The following ATP2B2 variants were observed in gnomAD, a reference collection of about 807,000 sequenced individuals.
The protein encoded by ATP2B2 is ATPase plasma membrane Ca2+ transporting 2, also known as plasma membrane calcium-transporting ATPase 2.
In ATP2B2, 15 loss-of-function variants were observed where a neutral mutation model predicts 120.0. The observed-to-expected ratio is 0.12, with a 90% CI of 0.08 to 0.19. ATP2B2 has a LOEUF of 0.19. Among genes scored for constraint, ATP2B2 ranks in the 10% least tolerant of loss-of-function variants. The pLI is 1.00. For missense variants in ATP2B2, 1,045 were observed against 1,719.8 expected, an observed-to-expected ratio of 0.61 and a Z score of 6.94; for synonymous variants, 694 against 700.3, an observed-to-expected ratio of 0.99 and a Z score of 0.14.
At position 10,402,475 on chromosome 3, in the gene ATP2B2, C is replaced by A; in HGVS notation, c.398-127G>T. The A allele has an allele frequency of 7.2e-7, 1 of 1,387,578 alleles. No homozygotes were observed. The highest frequency in any genetic ancestry group is 1.0e-6 in the Non-Finnish European group (1 of 995,284). The allele number at this position is 1,387,578 out of a possible 1,614,324, so 86.0% of individuals were successfully genotyped here. A position where few individuals can be genotyped will look rare whatever the true frequency, so the allele number is the denominator to read the frequency against. On this transcript the variant is annotated intron_variant, in intron 3 of 22. Coordinates refer to ENST00000360273, the MANE Select transcript of ATP2B2 (RefSeq NM_001001331.4). This position sits in a 1 kb window ranked among gnomAD's most constrained non-coding sequence, Gnocchi z 4.9. ...GAATCAGATGATAATTATCCACTTACTCAGTGTGTCTGGGTACCAAGCCCT... is the reference window on the plus strand; with the variant it reads ...GAATCAGATGATAATTATCCACTTAATCAGTGTGTCTGGGTACCAAGCCCT...
upstream of ATP2B2, among the ~76,000 whole-genome samples, chr3:10,509,909 T>G (rs1300752109): frequency 3.3e-5 from 5 of 152,128 alleles, no homozygotes; most frequent in Non-Finnish European, 7.4e-5. Flanking sequence ...GAGTCCCAGG[T>G]TTTTTTCATC....
At chr3:10,372,546 C>T (rs1405207564) in intron 11 of ATP2B2, among the ~76,000 whole-genome samples, 1 of 152,068 alleles carries the variant, frequency 6.6e-6, no homozygotes, top group Non-Finnish European at 1.5e-5. Context: ...GGAAAAATAT[C>T]AAAGTATTAA....
At chr3:10,415,735 A>G (rs978114434) in intron 2 of ATP2B2, among the ~76,000 whole-genome samples, 1 of 152,246 alleles carries the variant, frequency 6.6e-6, no homozygotes, top group African/African-American at 2.4e-5. Context: ...ATTAGAGAGC[A>G]TCTCACCATT....
chr3:10,406,358 G>A (rs2062410992), intron 3 of ATP2B2, among the ~76,000 whole-genome samples: 2 of 152,210 alleles, frequency 1.3e-5, no homozygotes, highest in Admixed American at 1.3e-4. Context: ...GGCTGGACAA[G>A]GTCCCTGTGG....
intron 2 of ATP2B2, among the ~76,000 whole-genome samples, chr3:10,542,459 C>T (rs9870371): frequency 0.041 from 6,230 of 152,196 alleles, 331 homozygotes; most frequent in African/African-American, 0.12. Context: ...CCTGATGTCC[C>T]AAGAATTCTT....
chr3:10,541,004 T>C lies in ATP2B2; in HGVS notation c.-414-6871A>G, dbSNP rs565322390. On this transcript the variant is annotated intron_variant, in intron 2 of 21. Coordinates refer to the ATP2B2 transcript ENST00000646379. ...GGTGAATTGTGGTAGTTCGTGTTTT[T>C]TGAGGAATTGGTCCATTTCTACTAG... Among the ~76,000 whole-genome samples the C allele has an allele frequency of 3.3e-5, 5 of 152,304 alleles. No homozygotes were observed. In the South Asian group the frequency reaches 1.0e-3, roughly 32 times the overall value.
At chr3:10,670,563 G>A (rs1229340405) in intron 1 of ATP2B2, among the ~76,000 whole-genome samples, 11 of 151,880 alleles carry the variant, frequency 7.2e-5, no homozygotes, top group East Asian at 1.9e-4. Flanking sequence ...GATTACAGGC[G>A]CCCGCCACCA....
chr3:10,605,483 G>A (rs1164675397), intron 2 of ATP2B2, among the ~76,000 whole-genome samples: 1 of 152,166 alleles, frequency 6.6e-6, no homozygotes, highest in African/African-American at 2.4e-5. Context: ...GGACCAGAGA[G>A]GGCAGGCTGG....
At chr3:10,596,998 C>T (rs1028152548) in intron 2 of ATP2B2, among the ~76,000 whole-genome samples, 28 of 150,396 alleles carry the variant, frequency 1.9e-4, no homozygotes, top group African/African-American at 3.7e-4. Flanking sequence ...CAGGTGCACA[C>T]GCACACAGGC....
At chr3:10,514,863 T>C (rs572319870) in intron 3 of ATP2B2, among the ~76,000 whole-genome samples, 1 of 152,056 alleles carries the variant, frequency 6.6e-6, no homozygotes, top group African/African-American at 2.4e-5. Context: ...TCACTGCACA[T>C]CCCCCTGCAG....
intron 1 of ATP2B2, among the ~76,000 whole-genome samples, chr3:10,639,948 G>T (rs1164346867): frequency 1.3e-5 from 2 of 152,208 alleles, no homozygotes; most frequent in Non-Finnish European, 2.9e-5. Context: ...AGGGGAGAAT[G>T]GCTCTGAGTA....
At chr3:10,632,921 A>C (rs990768968) in intron 1 of ATP2B2, among the ~76,000 whole-genome samples, 1 of 152,148 alleles carries the variant, frequency 6.6e-6, no homozygotes, top group Non-Finnish European at 1.5e-5. Flanking sequence ...GACTGGCTGG[A>C]GGGCACAGCC....
chr3:10,608,407 T>C (rs2069141174), intron 2 of ATP2B2, among the ~76,000 whole-genome samples: 1 of 152,172 alleles, frequency 6.6e-6, no homozygotes, highest in Non-Finnish European at 1.5e-5. Context: ...CTGGGCCACA[T>C]AGTGAGACCT....
intron 2 of ATP2B2, among the ~76,000 whole-genome samples, chr3:10,565,538 C>T (rs1034578272): frequency 3.3e-5 from 5 of 152,100 alleles, no homozygotes; most frequent in African/African-American, 4.8e-5. Context: ...CACTGGGGTC[C>T]CCTCCAGCCC....
At chr3:10,442,343 A>G (rs973790290) in intron 2 of ATP2B2, among the ~76,000 whole-genome samples, 2 of 152,092 alleles carry the variant, frequency 1.3e-5, no homozygotes, top group Admixed American at 1.3e-4. Flanking sequence ...TGCTGGAATC[A>G]CCGGGAAGCC....
chr3:10,702,451 C>A (rs959212356), intron 1 of ATP2B2, among the ~76,000 whole-genome samples: 2 of 152,178 alleles, frequency 1.3e-5, no homozygotes, highest in African/African-American at 4.8e-5. Flanking sequence ...GATGAGGAAA[C>A]TGAGACAGAC....
chr3:10,370,127 T>C (rs2125497799), intron 12 of ATP2B2, among the ~76,000 whole-genome samples: 1 of 152,344 alleles, frequency 6.6e-6, no homozygotes, highest in Non-Finnish European at 1.5e-5. Flanking sequence ...GGAAATGACA[T>C]TTCAGCTTTG....
In ATP2B2 at chr3:10,590,108, G is replaced by A. The variant is rs115680054; in HGVS notation, c.-415+29809C>T. 7.1e-3 allele frequency among the ~76,000 whole-genome samples: 1,080 copies of A among 152,288 alleles called. 4 individuals are homozygous for A. The highest frequency in any genetic ancestry group is 0.01 in the Admixed American group (160 of 15,302). ...CGCTACTCAGCAAGAAAAAGCAAGG[G>A]ACTATGATACATGCAATTGGATCTC... On this transcript the variant is annotated intron_variant, in intron 2 of 21. Transcript: ENST00000646379.
At chr3:10,465,899 C>T (rs372788095) in intron 1 of ATP2B2, among the ~76,000 whole-genome samples, 2 of 152,186 alleles carry the variant, frequency 1.3e-5, no homozygotes, top group African/African-American at 4.8e-5. Context: ...CCCTAACCAC[C>T]AGGTCCTTTA....
Sources: gnomAD v4.1 joint callset for allele counts (sites outside exome capture counted in the v4.1 genomes callset) on GRCh38, gnomAD v4.1.1 for gene constraint, Gnocchi (gnomAD v3.1) non-coding constraint, MANE v1.5 for transcripts, NCBI Gene and HGNC (gene_info 2026-07-23, HGNC 2026-07-21) for gene names.